The following RCL1 variants were observed in gnomAD, a reference collection of about 807,000 sequenced individuals.
The protein encoded by RCL1 is RNA 3'-terminal phosphate cyclase-like protein.
RCL1 carries 24 observed loss-of-function variants against 42.4 expected under a neutral mutation model. That is an observed-to-expected ratio of 0.57 (90% CI 0.41 to 0.80). The LOEUF is 0.80. RCL1 is among the 30% of genes least tolerant of loss of function. The pLI, the probability that RCL1 is intolerant of heterozygous loss-of-function variation, is 0.00. For synonymous variants in RCL1, 228 were observed against 177.3 expected (o/e 1.29, Z -2.27); for missense variants, 578 against 467.9 (o/e 1.24, Z -2.17).
intron 2 of RCL1, among the ~76,000 whole-genome samples, chr9:4,824,273 C>G (rs943999523): frequency 2.0e-5 from 3 of 152,166 alleles, no homozygotes; most frequent in Non-Finnish European, 4.4e-5. Context: ...TTCCATTCCC[C>G]TCTCCAGGGG....
chr9:4,796,859 A>C (rs1452144350), intron 1 of RCL1, among the ~76,000 whole-genome samples: 1 of 152,194 alleles, frequency 6.6e-6, no homozygotes, highest in Non-Finnish European at 1.5e-5. Flanking sequence ...CCTTTTTTGT[A>C]TAATGATGTC....
chr9:4,841,476 A>G, intron 6 of RCL1, 119 bp downstream of exon 6: 1 of 812,506 alleles, frequency 1.2e-6, no homozygotes, highest in East Asian at 2.5e-5. Flanking sequence ...TTCAGAATTA[A>G]TTTCTTTCTG....
At chr9:4,808,994 C>A (rs1816075177) in intron 1 of RCL1, among the ~76,000 whole-genome samples, 1 of 152,124 alleles carries the variant, frequency 6.6e-6, no homozygotes, top group Admixed American at 6.5e-5. Flanking sequence ...GTGTTGCTCA[C>A]CAATCATATT....
intron 2 of RCL1, among the ~76,000 whole-genome samples, chr9:4,824,830 T>G (rs1399541886): frequency 6.6e-6 from 1 of 152,222 alleles, no homozygotes; most frequent in Non-Finnish European, 1.5e-5. Context: ...TCCCTTAATT[T>G]CCTTTAGCTT....
chr9:4,838,412 C>G (rs1036005073), intron 5 of RCL1, among the ~76,000 whole-genome samples: 2 of 152,204 alleles, frequency 1.3e-5, no homozygotes, highest in African/African-American at 4.8e-5. Context: ...AAGGAACATT[C>G]TGTTTTAGTT....
At position 4,793,137 on chromosome 9, in the gene RCL1, T is replaced by C. The variant is rs764937398; in HGVS notation, c.46T>C (p.Leu16=). The C allele has an allele frequency of 1.2e-6, 2 of 1,612,256 alleles. No individual in the cohort carries two copies. The highest frequency in any genetic ancestry group is 2.2e-5 in the East Asian group (1 of 44,758). ...CCTCAGCTACGCAGGGTGCAACTTCTTGCGCCAACGTCTGGTCCTGTCTAC... is the reference window on the plus strand; with the variant it reads ...CCTCAGCTACGCAGGGTGCAACTTCCTGCGCCAACGTCTGGTCCTGTCTAC... ...HSLSYAGCNF[L]RQRLVLSTLS... The change falls in exon 1 of 9, where the codon TTG becomes CTG. Residue 16 remains leucine, a synonymous_variant. Coordinates refer to ENST00000381750, the MANE Select transcript of RCL1 (RefSeq NM_005772.5).
chr9:4,793,112 C>CCT lies in RCL1; in HGVS notation c.23_24dup (p.Tyr10AlafsTer17). On this transcript the variant is annotated frameshift_variant, in exon 1 of 9. Coordinates refer to ENST00000381750, the MANE Select transcript of RCL1 (RefSeq NM_005772.5). LOFTEE classifies it high-confidence loss of function. ...CGCACATGGCGACTCAGGCGCACTC[C>CCT]CTCAGCTACGCAGGGTGCAACTTCT... The CCT allele has an allele frequency of 6.2e-7, 1 of 1,609,650 alleles. No homozygotes were observed. The highest frequency in any genetic ancestry group is 8.5e-7 in the Non-Finnish European group (1 of 1,178,368).
intron 1 of RCL1, 55 bp downstream of exon 1, chr9:4,793,282 G>A: frequency 6.5e-7 from 1 of 1,528,160 alleles, no homozygotes; most frequent in Non-Finnish European, 8.8e-7. Flanking sequence ...GGGAGACCGA[G>A]CTGATGCCGT....
Position 4,849,505 on chromosome 9 carries a change from A to G in RCL1, c.926A>G (p.Gln309Arg), listed in dbSNP as rs751592605. The G allele has an allele frequency of 8.1e-6, 13 of 1,613,848 alleles. 2 individuals are homozygous for G. The Middle Eastern group carries it at 6.6e-4, about 82-fold the overall frequency. Reference sequence around the variant, plus strand: ...GCGCTACTACTCATGACCCTTGGACAGCAGGATGTTTCCAAAGTCCTGCTA... The same window carrying G: ...GCGCTACTACTCATGACCCTTGGACGGCAGGATGTTTCCAAAGTCCTGCTA... ...SLALLLMTLG[Q>R]QDVSKVLLGP... The change falls in exon 8 of 9, where the codon CAG (glutamine) becomes CGG (arginine). Residue 309 changes from glutamine to arginine, a missense_variant. Coordinates refer to ENST00000381750, the MANE Select transcript of RCL1 (RefSeq NM_005772.5).
intron 7 of RCL1, among the ~76,000 whole-genome samples, 156 bp downstream of exon 7, chr9:4,844,837 G>A (rs1005494841): frequency 4.6e-5 from 7 of 152,198 alleles, no homozygotes; most frequent in African/African-American, 1.7e-4. Flanking sequence ...TAGTTTAATT[G>A]ATTAGCTCAA....
chr9:4,849,228 A>G (rs1371745357), intron 7 of RCL1, among the ~76,000 whole-genome samples: 4 of 149,504 alleles, frequency 2.7e-5, no homozygotes, highest in African/African-American at 9.9e-5. Flanking sequence ...TCTCATTCTG[A>G]TAGTCTCAAC....
At chr9:4,805,130 G>T (rs995899981) in intron 1 of RCL1, among the ~76,000 whole-genome samples, 1 of 152,146 alleles carries the variant, frequency 6.6e-6, no homozygotes, top group Non-Finnish European at 1.5e-5. Flanking sequence ...ATGAAGAGGG[G>T]ATAGAAAGAT....
intron 1 of RCL1, among the ~76,000 whole-genome samples, chr9:4,805,550 T>C (rs115980674): frequency 0.011 from 1,750 of 152,328 alleles, 33 homozygotes; most frequent in African/African-American, 0.039. Flanking sequence ...TAAACTCTTA[T>C]AGAAATAGAC....
intron 8 of RCL1, among the ~76,000 whole-genome samples, chr9:4,852,358 G>A (rs1817781981): frequency 6.6e-6 from 1 of 152,158 alleles, no homozygotes; most frequent in Non-Finnish European, 1.5e-5. Flanking sequence ...TACAGTTTAG[G>A]GAGGGAGGAT....
At chr9:4,816,241 T>C (rs535866711) in intron 1 of RCL1, among the ~76,000 whole-genome samples, 3 of 152,244 alleles carry the variant, frequency 2.0e-5, no homozygotes, top group African/African-American at 7.2e-5. Context: ...ATTCTGGATA[T>C]GTTAAAGGAT....
rs748947191 is a variant in RCL1 at position 4,826,918 on chromosome 9, G to T, written c.269G>T (p.Ser90Ile). Residue 90 changes from serine (S) to isoleucine (I), a missense_variant, in exon 3 of 9, where the codon AGC becomes ATC. Physicochemically the swap from Ser to Ile is moderately radical, Grantham distance 142 (BLOSUM62 -2). Coordinates refer to ENST00000381750, the MANE Select transcript of RCL1 (RefSeq NM_005772.5). ...LYGGSVEHDC[S>I]VLRGIGYYLE... ...GGTGGATCTGTGGAACATGACTGTA[G>T]CGTCCTTCGTGGCATTGGGTATTAC... 1 of 1,613,988 alleles carries T rather than the reference G, an allele frequency of 6.2e-7. No individual in the cohort carries two copies. Among genetic ancestry groups the T allele is most frequent in the Non-Finnish European group, 8.5e-7 (1 of 1,180,000 alleles).
intron 1 of RCL1, among the ~76,000 whole-genome samples, chr9:4,798,509 A>T (rs148945247): frequency 2.6e-5 from 4 of 152,234 alleles, no homozygotes; most frequent in African/African-American, 7.2e-5. Context: ...AGCAGATAAG[A>T]TTCTGAAAAA....
rs545673427 is a variant in RCL1, at chr9:4,846,843, A to T, written c.867+2162A>T. ...AAGCCTCAGGGTAAAAGCACCTACC[A>T]CTCCACAAGAGGAAAAACATGCAGT... On this transcript the variant is annotated intron_variant, in intron 7 of 8. Transcript: ENST00000381750. Among the ~76,000 whole-genome samples, 6 of 151,930 alleles carry T rather than the reference A, an allele frequency of 3.9e-5. No individual in the cohort carries two copies. The East Asian group carries it at 1.2e-3, about 29-fold the overall frequency.
intron 8 of RCL1, among the ~76,000 whole-genome samples, chr9:4,854,710 C>T (rs778914268): frequency 6.6e-6 from 1 of 152,172 alleles, no homozygotes; most frequent in Non-Finnish European, 1.5e-5. Flanking sequence ...CCACAAGCCT[C>T]ATGGCCTTTC....
Sources: gnomAD v4.1 joint callset for allele counts (sites outside exome capture counted in the v4.1 genomes callset) on GRCh38, gnomAD v4.1.1 for gene constraint, MANE v1.5 for transcripts, NCBI Gene and HGNC (gene_info 2026-07-23, HGNC 2026-07-21) for gene names.